GRIN2B: variants seen among roughly 807,000 people sequenced by gnomAD.
GRIN2B encodes glutamate ionotropic receptor NMDA type subunit 2B.
GRIN2B carries 5 observed loss-of-function variants against 114.5 expected under a neutral mutation model. That is an observed-to-expected ratio of 0.04 (90% CI 0.02 to 0.09). The LOEUF is 0.09. Ranked by LOEUF, GRIN2B falls within the 10% of genes least tolerant of loss-of-function variation. The pLI is 1.00. For missense variants in GRIN2B, 1,108 were observed against 1,943.5 expected (o/e 0.57, Z 8.08); for synonymous variants, 787 against 745.1 (o/e 1.06, Z -0.92).
chr12:13,777,890 T>A (rs1350847373), intron 3 of GRIN2B, among the ~76,000 whole-genome samples: 1 of 152,238 alleles, frequency 6.6e-6, no homozygotes, highest in East Asian at 1.9e-4. Flanking sequence ...ATATCTGTGG[T>A]CTACTTTTTC....
At position 13,615,078 on chromosome 12, in the gene GRIN2B, C is replaced by A. The variant is rs562716391; in HGVS notation, c.1654+36G>T. 2 of 1,574,920 alleles carry A rather than the reference C, an allele frequency of 1.3e-6. No homozygotes were observed. The highest frequency in any genetic ancestry group is 1.7e-6 in the Non-Finnish European group (2 of 1,144,470). On this transcript the variant is annotated intron_variant, in intron 8 of 13. Coordinates refer to ENST00000609686, the MANE Select transcript of GRIN2B (RefSeq NM_000834.5). The surrounding 1 kb of genome is among the most constrained non-coding windows in gnomAD (Gnocchi z 5.8). ...TCCTTATTTCACTTCCCCATCCATACGTCCATTTCCTTCCACCAGCAAACC... is the reference window on the plus strand; with the variant it reads ...TCCTTATTTCACTTCCCCATCCATAAGTCCATTTCCTTCCACCAGCAAACC...
At chr12:13,823,665 C>G (rs934057960) in intron 3 of GRIN2B, among the ~76,000 whole-genome samples, 1 of 151,974 alleles carries the variant, frequency 6.6e-6, no homozygotes, top group African/African-American at 2.4e-5. Context: ...TACTTTATTC[C>G]ATATGCTACA....
rs1259233613 is a variant in GRIN2B, at chr12:13,753,788, T to G, written c.539A>C (p.Gln180Pro). 6.2e-7 allele frequency: 1 copy of G among 1,613,870 alleles called. No individual in the cohort carries two copies. Among genetic ancestry groups the G allele is most frequent in the Non-Finnish European group, 8.5e-7 (1 of 1,179,810 alleles). Residue 180 changes from glutamine (Q) to proline (P), a missense_variant, in exon 4 of 14, where the codon CAG becomes CCG. Coordinates refer to ENST00000609686, the MANE Select transcript of GRIN2B (RefSeq NM_000834.5). The surrounding 1 kb of genome is among the most constrained non-coding windows in gnomAD (Gnocchi z 6.2). ...GCTGCGGATCTTGTTTACAAAGTCC[T>G]GGTAGCCAGGGAAATAGGTGGTGAC... ...SIVTTYFPGY[Q>P]DFVNKIRSTI...
intron 3 of GRIN2B, among the ~76,000 whole-genome samples, chr12:13,793,760 T>A (rs2136667230): frequency 6.6e-6 from 1 of 152,324 alleles, no homozygotes; most frequent in South Asian, 2.1e-4. Context: ...GAATGGTGTG[T>A]TCCAGGGGGA....
intron 3 of GRIN2B, among the ~76,000 whole-genome samples, chr12:13,827,406 T>C (rs2136699480): frequency 6.6e-6 from 1 of 152,058 alleles, no homozygotes; most frequent in East Asian, 1.9e-4. Flanking sequence ...GGGTCTCTAA[T>C]TATATACATG....
chr12:13,620,324 G>A (rs143214230), intron 5 of GRIN2B, among the ~76,000 whole-genome samples: 219 of 152,260 alleles, frequency 1.4e-3, no homozygotes, highest in African/African-American at 4.9e-3. Flanking sequence ...CACTGTAGCC[G>A]GATGATCTCT....
chr12:13,836,137 C>G (rs1462381534), intron 3 of GRIN2B, among the ~76,000 whole-genome samples: 7 of 152,178 alleles, frequency 4.6e-5, no homozygotes, highest in Non-Finnish European at 8.8e-5. Flanking sequence ...AAAGATTCTC[C>G]CAAAGCCACA....
chr12:13,632,192 A>AAAGT (rs1216983283), intron 5 of GRIN2B, among the ~76,000 whole-genome samples: 4 of 152,264 alleles, frequency 2.6e-5, no homozygotes, highest in Non-Finnish European at 4.4e-5. Context: ...GAATGAAATG[A>AAAGT]AAGTAAGTTA....
intron 5 of GRIN2B, among the ~76,000 whole-genome samples, chr12:13,666,830 A>T (rs985978417): frequency 5.9e-5 from 9 of 152,224 alleles, no homozygotes; most frequent in African/African-American, 1.9e-4. Context: ...GCATGTTTGC[A>T]TATGAAGGAC....
In GRIN2B at chr12:13,759,778, C is replaced by G. The variant is rs373755182; in HGVS notation, c.412-5863G>C. ...TCTTTTGTAAACTTAAGATGTTATT[C>G]TATACCCCAAGCCCTAAAAGACTCC... On this transcript the variant is annotated intron_variant, in intron 3 of 13. Transcript: ENST00000609686. 9.8e-5 allele frequency among the ~76,000 whole-genome samples: 15 copies of G among 152,314 alleles called. No individual in the cohort carries two copies. The South Asian group carries it at 1.9e-3, about 19-fold the overall frequency.
chr12:13,958,941 C>G (rs192487031), intron 2 of GRIN2B, among the ~76,000 whole-genome samples: 1 of 151,598 alleles, frequency 6.6e-6, no homozygotes, highest in East Asian at 1.9e-4. Flanking sequence ...TGATTTGGAC[C>G]GCGGGAATTA....
intron 8 of GRIN2B, among the ~76,000 whole-genome samples, chr12:13,612,987 C>T (rs1365968035): frequency 6.6e-6 from 1 of 152,166 alleles, no homozygotes; most frequent in Non-Finnish European, 1.5e-5. Flanking sequence ...ACTCTGAAAC[C>T]TACTTTGTTA....
chr12:13,858,535 G>GTT (rs149439201), intron 3 of GRIN2B, among the ~76,000 whole-genome samples: 1 of 152,070 alleles, frequency 6.6e-6, no homozygotes, highest in Non-Finnish European at 1.5e-5. Flanking sequence ...AATTCAGGGA[G>GTT]TTTTTTTCAG....
In GRIN2B at chr12:13,554,558, CAAG is replaced by C. The variant is rs1948455784; in HGVS notation, c.*8222_*8224del. The C allele has an allele frequency of 6.6e-6, 1 of 152,102 alleles. No individual in the cohort carries two copies. Among genetic ancestry groups the C allele is most frequent in the Non-Finnish European group, 1.5e-5 (1 of 68,022 alleles). 9.4% of individuals were successfully genotyped at this position (152,102 alleles called of 1,614,324 possible). ...ATGGGACACACACATAGTCAAGTAA[CAAG>C]AAATTATTGCTGGCAGACTACGGCA... On this transcript the variant is annotated 3_prime_UTR_variant, in exon 14 of 14. Coordinates refer to ENST00000609686, the MANE Select transcript of GRIN2B (RefSeq NM_000834.5).
At chr12:13,765,538 T>C (rs1425702319) in intron 3 of GRIN2B, among the ~76,000 whole-genome samples, 2 of 152,242 alleles carry the variant, frequency 1.3e-5, no homozygotes, top group African/African-American at 4.8e-5. Flanking sequence ...AGATGGATGA[T>C]GGTTTGTCAT....
intron 10 of GRIN2B, among the ~76,000 whole-genome samples, chr12:13,581,993 G>A (rs1948859743): frequency 6.6e-6 from 1 of 151,492 alleles, no homozygotes; most frequent in Non-Finnish European, 1.5e-5. Flanking sequence ...GTTCAAATCT[G>A]AGCTCTACTA....
At chr12:13,794,738 G>T (rs1042279369) in intron 3 of GRIN2B, among the ~76,000 whole-genome samples, 1 of 152,208 alleles carries the variant, frequency 6.6e-6, no homozygotes, top group Admixed American at 6.5e-5. Flanking sequence ...GCTGGCAAGT[G>T]CTTCTCTACT....
intron 2 of GRIN2B, among the ~76,000 whole-genome samples, chr12:13,964,310 T>A (rs193275170): frequency 1.9e-3 from 286 of 152,324 alleles, no homozygotes; most frequent in Middle Eastern, 0.014. Context: ...CTAGACATTT[T>A]TGCCCAAATC....
At chr12:13,572,080 A>G (rs747875487) in intron 10 of GRIN2B, 116 bp from the exon 11 acceptor site, 52 of 826,048 alleles carry the variant, frequency 6.3e-5, no homozygotes, top group Non-Finnish European at 9.3e-5. Flanking sequence ...TGGATTTATA[A>G]TGGAAGGGAC....
Sources: allele counts gnomAD v4.1 joint callset (sites outside exome capture counted in the v4.1 genomes callset), GRCh38; gene constraint gnomAD v4.1.1; non-coding constraint Gnocchi (gnomAD v3.1); transcripts MANE v1.5; gene names NCBI Gene and HGNC (gene_info 2026-07-23, HGNC 2026-07-21).